The following VDAC1 variants were observed in gnomAD, a reference collection of about 807,000 sequenced individuals.
VDAC1 encodes the protein non-selective voltage-gated ion channel VDAC1.
Under a neutral mutation model 34.7 loss-of-function variants are expected in VDAC1, and 10 were observed. The observed-to-expected ratio is 0.29, with a 90% CI of 0.18 to 0.49. The LOEUF is 0.49. VDAC1 is among the 20% of genes least tolerant of loss of function. The pLI is 0.99. For synonymous variants in VDAC1, 130 were observed against 136.0 expected (o/e 0.96, Z 0.30); for missense variants, 230 against 347.9 (o/e 0.66, Z 2.69).
chr5:133,980,903 C>A lies in VDAC1; in HGVS notation c.377G>T (p.Gly126Val), dbSNP rs775352369. The change falls in exon 6 of 9, where the codon GGC becomes GTC. Residue 126 changes from glycine to valine, a missense_variant. Coordinates refer to ENST00000265333, the MANE Select transcript of VDAC1 (RefSeq NM_003374.3). The part of the protein sequence containing the change: ...TGYKREHINL[G>V]CDMDFDIAGP... The stretch of plus-strand genomic sequence containing the variant: ...AGCAATGTCGAAATCCATGTCGCAG[C>A]CCAGGTTAATGTGCTCCCGCTTGTA... 4 of 1,614,026 alleles carry A rather than the reference C, an allele frequency of 2.5e-6. No individual in the cohort carries two copies. In the Admixed American group the frequency reaches 6.7e-5, roughly 27 times the overall value.
At chr5:134,027,767 CTTTT>C in the VDAC1 span, among the ~76,000 whole-genome samples, 2 of 120,650 alleles carry the variant, frequency 1.7e-5, no homozygotes, top group African/African-American at 6.4e-5. Flanking sequence ...ATCTTGCCTA[CTTTT>C]TTTTTTTTTT....
chr5:134,045,905 G>T, the VDAC1 span, among the ~76,000 whole-genome samples: 4 of 151,416 alleles, frequency 2.6e-5, no homozygotes, highest in Non-Finnish European at 5.9e-5. Flanking sequence ...GGCTGGTCTC[G>T]AACTCCCGAC....
At chr5:134,076,167 C>T in the VDAC1 span, among the ~76,000 whole-genome samples, 1 of 152,084 alleles carries the variant, frequency 6.6e-6, no homozygotes, top group Admixed American at 6.5e-5. Flanking sequence ...TTAGTAGAGA[C>T]AGGATTGCAC....
At chr5:134,053,429 G>C in the VDAC1 span, among the ~76,000 whole-genome samples, 1 of 152,192 alleles carries the variant, frequency 6.6e-6, no homozygotes. Context: ...TGGACCCATT[G>C]CCCAACCCTC....
the VDAC1 span, among the ~76,000 whole-genome samples, chr5:134,034,813 AG>A: frequency 6.6e-6 from 1 of 152,112 alleles, no homozygotes; most frequent in Non-Finnish European, 1.5e-5. Context: ...GCTGCGAGTA[AG>A]GAAAGGAGCA....
intron 6 of VDAC1, among the ~76,000 whole-genome samples, chr5:133,979,423 GC>G (rs1406965634): frequency 2.9e-4 from 17 of 59,284 alleles, no homozygotes; most frequent in African/African-American, 8.5e-4. Flanking sequence ...TATTTTCTTT[GC>G]TTTTTTTTTT....
At chr5:133,995,418 C>T (rs959874404) in intron 1 of VDAC1, among the ~76,000 whole-genome samples, 2 of 152,156 alleles carry the variant, frequency 1.3e-5, no homozygotes, top group Non-Finnish European at 1.5e-5. Context: ...CCTTGAACAC[C>T]GACAATGAAG....
the VDAC1 span, among the ~76,000 whole-genome samples, chr5:134,101,629 C>G: frequency 2.0e-5 from 3 of 152,000 alleles, no homozygotes; most frequent in South Asian, 6.2e-4. Context: ...GGAGGTAATC[C>G]GTAAATGTGA....
intron 1 of VDAC1, among the ~76,000 whole-genome samples, chr5:134,001,654 T>G (rs140750609): frequency 6.7e-6 from 1 of 149,032 alleles, no homozygotes; most frequent in East Asian, 2.0e-4. Context: ...GAGGTAGAGA[T>G]TGCAGGGAGC....
At chr5:134,110,416 T>C in the VDAC1 span, among the ~76,000 whole-genome samples, 2 of 152,166 alleles carry the variant, frequency 1.3e-5, no homozygotes, top group African/African-American at 4.8e-5. Flanking sequence ...TGATGCAGAG[T>C]AGCAGCATCC....
At chr5:134,083,037 A>T in the VDAC1 span, among the ~76,000 whole-genome samples, 2 of 152,244 alleles carry the variant, frequency 1.3e-5, no homozygotes, top group African/African-American at 4.8e-5. Flanking sequence ...ATGACATAAA[A>T]TATGGTAACC....
the VDAC1 span, among the ~76,000 whole-genome samples, chr5:134,063,895 C>T: frequency 2.0e-5 from 3 of 151,774 alleles, no homozygotes; most frequent in Non-Finnish European, 4.4e-5. Flanking sequence ...TGCAGTAGCA[C>T]AATTAGAGCT....
intron 1 of VDAC1, among the ~76,000 whole-genome samples, chr5:133,993,942 G>A (rs114239288): frequency 6.6e-6 from 1 of 152,266 alleles, no homozygotes; most frequent in Non-Finnish European, 1.5e-5. Flanking sequence ...CTGCCCAGGA[G>A]GAGAGGGGGT....
the VDAC1 span, among the ~76,000 whole-genome samples, chr5:134,090,153 C>T: frequency 2.0e-5 from 3 of 152,148 alleles, no homozygotes; most frequent in South Asian, 2.1e-4. Context: ...GTCCCACCTC[C>T]GAGCACTATC....
upstream of VDAC1, among the ~76,000 whole-genome samples, chr5:134,007,254 A>G (rs1055918057): frequency 2.0e-5 from 3 of 151,086 alleles, no homozygotes; most frequent in South Asian, 4.2e-4. Context: ...AAAAAAAAAA[A>G]AAAGAAAAAA....
the VDAC1 span, among the ~76,000 whole-genome samples, chr5:134,053,611 C>T: frequency 4.6e-5 from 7 of 152,296 alleles, no homozygotes; most frequent in South Asian, 1.5e-3. Context: ...TTATGGACAC[C>T]CCATCCTGTC....
At chr5:134,008,045 G>A (rs1753784020), upstream of VDAC1, among the ~76,000 whole-genome samples, 1 of 152,110 alleles carries the variant, frequency 6.6e-6, no homozygotes, top group Non-Finnish European at 1.5e-5. Flanking sequence ...CTCCATCCCT[G>A]ACTCCAAAGC....
At chr5:134,093,358 A>AGTGT in the VDAC1 span, among the ~76,000 whole-genome samples, 26 of 151,344 alleles carry the variant, frequency 1.7e-4, no homozygotes, top group South Asian at 6.3e-4. Context: ...CACGCATATA[A>AGTGT]GTGTGTGTGT....
At chr5:133,981,984 G>A (rs1235300269) in intron 5 of VDAC1, among the ~76,000 whole-genome samples, 4 of 152,124 alleles carry the variant, frequency 2.6e-5, no homozygotes, top group Non-Finnish European at 5.9e-5. Flanking sequence ...CTCCTAAATG[G>A]AACCAGTGCT....
Sources: gnomAD v4.1 joint callset for allele counts (sites outside exome capture counted in the v4.1 genomes callset) on GRCh38, gnomAD v4.1.1 for gene constraint, MANE v1.5 for transcripts, NCBI Gene and HGNC (gene_info 2026-07-23, HGNC 2026-07-21) for gene names.